The following CACNB4 variants were observed in gnomAD, a reference collection of about 807,000 sequenced individuals.
The protein encoded by CACNB4 is voltage-dependent L-type calcium channel subunit beta-4.
A neutral mutation model predicts 71.2 loss-of-function variants in CACNB4; 32 were observed. The observed-to-expected ratio is 0.45, with a 90% CI of 0.34 to 0.60. The LOEUF is 0.60. Ranked by LOEUF, CACNB4 falls within the 20% of genes least tolerant of loss-of-function variation. The pLI is 0.01. For synonymous variants in CACNB4, 231 were observed against 236.9 expected (o/e 0.97, Z 0.23); for missense variants, 464 against 647.9 (o/e 0.72, Z 3.08).
chr2:151,978,876 C>T (rs1348360140), intron 2 of CACNB4, among the ~76,000 whole-genome samples: 2 of 152,140 alleles, frequency 1.3e-5, no homozygotes, highest in African/African-American at 2.4e-5. Flanking sequence ...CGGCAGCCTA[C>T]CTGCTCTATC....
intron 2 of CACNB4, among the ~76,000 whole-genome samples, chr2:151,980,895 T>C (rs539932951): frequency 6.6e-6 from 1 of 152,312 alleles, no homozygotes; most frequent in East Asian, 1.9e-4. Context: ...ATGGAGTTTT[T>C]GGTTTTGGTT....
intron 2 of CACNB4, among the ~76,000 whole-genome samples, chr2:152,071,277 G>A (rs572105315): frequency 2.9e-4 from 44 of 152,286 alleles, no homozygotes; most frequent in Non-Finnish European, 4.4e-4. Flanking sequence ...ACTGTAAGCC[G>A]GTCAGCCCAT....
chr2:152,087,634 C>T (rs1687735788), intron 2 of CACNB4, among the ~76,000 whole-genome samples: 1 of 152,050 alleles, frequency 6.6e-6, no homozygotes, highest in Admixed American at 6.6e-5. Flanking sequence ...GGGGCTATAA[C>T]TGAAACTTCT....
chr2:151,899,990 G>A (rs1360137328), intron 2 of CACNB4, among the ~76,000 whole-genome samples: 1 of 152,132 alleles, frequency 6.6e-6, no homozygotes, highest in East Asian at 1.9e-4. Context: ...TCAGTGACTA[G>A]AAGAGGACAG....
intron 12 of CACNB4, among the ~76,000 whole-genome samples, chr2:151,849,604 T>C (rs2099838511): frequency 6.6e-6 from 1 of 152,106 alleles, no homozygotes. Context: ...AACAGAATGC[T>C]GTGGAAATGA....
chr2:152,050,728 T>C (rs564168761), intron 2 of CACNB4, among the ~76,000 whole-genome samples: 16 of 152,174 alleles, frequency 1.1e-4, no homozygotes, highest in African/African-American at 3.9e-4. Context: ...AAAAAAATTT[T>C]TTTTTAATGC....
chr2:152,083,777 GT>G (rs1200817430), intron 2 of CACNB4, among the ~76,000 whole-genome samples: 1 of 152,180 alleles, frequency 6.6e-6, no homozygotes, highest in Non-Finnish European at 1.5e-5. Context: ...AATAGACCAA[GT>G]TTGATCCTCA....
At chr2:151,941,406 C>T (rs986323139) in intron 2 of CACNB4, among the ~76,000 whole-genome samples, 3 of 151,448 alleles carry the variant, frequency 2.0e-5, no homozygotes, top group East Asian at 3.9e-4. Context: ...CTCAGCAACC[C>T]GAGTAGCTGG....
At chr2:151,893,304 C>T (rs767243793) in intron 2 of CACNB4, among the ~76,000 whole-genome samples, 2 of 152,074 alleles carry the variant, frequency 1.3e-5, no homozygotes, top group Non-Finnish European at 1.5e-5. Flanking sequence ...TGCAGAGGTA[C>T]GATCTTGGCT....
chr2:152,036,418 G>T (rs1006372546), intron 2 of CACNB4, among the ~76,000 whole-genome samples: 1 of 152,086 alleles, frequency 6.6e-6, no homozygotes, highest in Admixed American at 6.6e-5. Context: ...TCTTGCCTCC[G>T]CCTCCCAAGT....
chr2:151,952,478 C>T (rs376854833), intron 2 of CACNB4, among the ~76,000 whole-genome samples: 15 of 152,284 alleles, frequency 9.9e-5, no homozygotes, highest in Non-Finnish European at 1.8e-4. Flanking sequence ...TACCATACTC[C>T]GCCTCTGTAG....
chr2:152,037,804 A>T (rs1684673349), intron 2 of CACNB4, among the ~76,000 whole-genome samples: 1 of 152,168 alleles, frequency 6.6e-6, no homozygotes, highest in African/African-American at 2.4e-5. Context: ...ATTTGGTCAA[A>T]AGTCAGCCAG....
intron 2 of CACNB4, among the ~76,000 whole-genome samples, chr2:151,912,134 A>AT (rs1174096564): frequency 1.3e-5 from 2 of 151,812 alleles, no homozygotes; most frequent in Non-Finnish European, 2.9e-5. Context: ...GGATTCGGTG[A>AT]TTTTTTGGAG....
intron 2 of CACNB4, among the ~76,000 whole-genome samples, chr2:152,041,598 C>T (rs1684877964): frequency 1.3e-5 from 2 of 152,084 alleles, no homozygotes; most frequent in South Asian, 4.2e-4. Context: ...GAGACTGGGG[C>T]ACAGAAACTG....
intron 2 of CACNB4, among the ~76,000 whole-genome samples, chr2:151,907,457 T>C (rs940413603): frequency 6.6e-5 from 10 of 152,334 alleles, no homozygotes; most frequent in Non-Finnish European, 1.5e-4. Context: ...AGTTCCCATA[T>C]ACCCTTCACC....
At chr2:151,915,441 G>C (rs903693544) in intron 2 of CACNB4, among the ~76,000 whole-genome samples, 5 of 152,196 alleles carry the variant, frequency 3.3e-5, no homozygotes, top group Non-Finnish European at 2.9e-5. Flanking sequence ...TGTCCCTCCC[G>C]CAAGGAGCTC....
intron 2 of CACNB4, among the ~76,000 whole-genome samples, chr2:151,994,684 A>G (rs1681941177): frequency 6.6e-6 from 1 of 152,240 alleles, no homozygotes; most frequent in African/African-American, 2.4e-5. Context: ...AGGCTGCCTC[A>G]TAGGCTCCTT....
intron 2 of CACNB4, among the ~76,000 whole-genome samples, chr2:152,005,237 T>C (rs188346586): frequency 6.6e-6 from 1 of 152,324 alleles, no homozygotes; most frequent in Admixed American, 6.5e-5. Context: ...TTCATCGCAG[T>C]ACTATTCACA....
At chr2:151,861,019 C>T in intron 9 of CACNB4, 199 bp from the exon 10 acceptor site, 1 of 545,438 alleles carries the variant, frequency 1.8e-6, no homozygotes, top group East Asian at 3.1e-5. Flanking sequence ...AAGGTTTAAA[C>T]TGTTTCACAC....
Sources: allele counts gnomAD v4.1 joint callset (sites outside exome capture counted in the v4.1 genomes callset), GRCh38; gene constraint gnomAD v4.1.1; transcripts MANE v1.5; gene names NCBI Gene and HGNC (gene_info 2026-07-23, HGNC 2026-07-21).